The following ANKRD16 variants were observed in gnomAD, a reference collection of about 807,000 sequenced individuals.
The protein encoded by ANKRD16 is ankyrin repeat domain 16.
A neutral mutation model predicts 37.9 loss-of-function variants in ANKRD16; 35 were observed. The ratio of observed to expected loss-of-function variants is 0.92; its 90% CI spans 0.71 to 1.23. ANKRD16 has a LOEUF of 1.23. Ranked by LOEUF, ANKRD16 falls within the 50% of genes most tolerant of loss-of-function variation. ANKRD16 has a pLI of 0.00. For missense variants in ANKRD16, 480 were observed against 469.9 expected, an observed-to-expected ratio of 1.02 and a Z score of -0.20; for synonymous variants, 206 against 197.2, an observed-to-expected ratio of 1.04 and a Z score of -0.37.
rs1271630595 is a variant in ANKRD16 at position 5,868,656 on chromosome 10, C to G, written c.*34-5965G>C. On this transcript the variant is annotated intron_variant, in intron 7 of 7. Coordinates refer to ENST00000380094, the MANE Select transcript of ANKRD16 (RefSeq NM_019046.3). The surrounding 1 kb of genome is among the most constrained non-coding windows in gnomAD (Gnocchi z 4.9). The stretch of plus-strand genomic sequence containing the variant: ...CCCCAGCCAGCAGCGGCAACCCACT[C>G]GGGTCCCCTTCCACGCTGTGGAAGC... 2.0e-5 allele frequency among the ~76,000 whole-genome samples: 3 copies of G among 152,160 alleles called. No individual in the cohort carries two copies. Among genetic ancestry groups the G allele is most frequent in the African/African-American group, 7.2e-5 (3 of 41,450 alleles).
Position 5,889,127 on chromosome 10 carries a change from G to C in ANKRD16, c.228C>G (p.His76Gln), listed in dbSNP as rs768955233. 35 of 1,597,680 alleles carry C rather than the reference G, an allele frequency of 2.2e-5. 1 individual carries two copies. In the South Asian group the frequency reaches 3.6e-4, roughly 17 times the overall value. Residue 76 changes from histidine to glutamine, a missense_variant, in exon 1 of 8, where the codon CAC (histidine) becomes CAG (glutamine). Coordinates refer to ENST00000380094, the MANE Select transcript of ANKRD16 (RefSeq NM_019046.3). Reference protein sequence around the residue: ...ATNRDYKRPLHEAASMGHRDC... With the variant: ...ATNRDYKRPLQEAASMGHRDC... Reference sequence around the variant, plus strand: ...CTCGGTGGCCCATGGAGGCCGCCTCGTGCAGAGGCCGCTTGTAGTCTCGGT... The same window carrying C: ...CTCGGTGGCCCATGGAGGCCGCCTCCTGCAGAGGCCGCTTGTAGTCTCGGT...
At chr10:5,873,854 G>A (rs1842143249) in intron 7 of ANKRD16, among the ~76,000 whole-genome samples, 1 of 150,756 alleles carries the variant, frequency 6.6e-6, no homozygotes, top group Non-Finnish European at 1.5e-5. Flanking sequence ...CTATTTTCAG[G>A]TCATTACAAT....
chr10:5,870,921 C>T lies in ANKRD16; in HGVS notation c.*33+7176G>A, dbSNP rs572713872. On this transcript the variant is annotated intron_variant, in intron 7 of 7. Coordinates refer to ENST00000380094, the MANE Select transcript of ANKRD16 (RefSeq NM_019046.3). This position sits in a 1 kb window ranked among gnomAD's most constrained non-coding sequence, Gnocchi z 5.0. The stretch of plus-strand genomic sequence containing the variant: ...TCCACTCCCCGTGCTTTCCCAGGAG[C>T]GCCCAGGCCTGTCCTCAGTATCAAG... Among the ~76,000 whole-genome samples, 2 of 152,302 alleles carry T rather than the reference C, an allele frequency of 1.3e-5. No individual in the cohort carries two copies. The highest frequency in any genetic ancestry group is 2.1e-4 in the South Asian group (1 of 4,826).
intron 7 of ANKRD16, among the ~76,000 whole-genome samples, chr10:5,867,937 C>A (rs2099851952): frequency 6.6e-6 from 1 of 152,232 alleles, no homozygotes; most frequent in African/African-American, 2.4e-5. Flanking sequence ...TTTGCACCTT[C>A]TTAGGGGAAG....
chr10:5,881,441 T>TAAAAAAA (rs1459236408), intron 5 of ANKRD16, among the ~76,000 whole-genome samples: 1 of 21,294 alleles, frequency 4.7e-5, no homozygotes, highest in African/African-American at 1.7e-4. Flanking sequence ...ATATTATTTA[T>TAAAAAAA]ATATATATAT....
rs183574787 is a variant in ANKRD16, at chr10:5,875,684, T to C, written c.*33+2413A>G. On this transcript the variant is annotated intron_variant, in intron 7 of 7. Coordinates refer to ENST00000380094, the MANE Select transcript of ANKRD16 (RefSeq NM_019046.3). ...GAAACATCTGGTTATTATTCTATTA[T>C]TGCTACTCTCTTTGCTGCAATTAAT... Among the ~76,000 whole-genome samples the C allele has an allele frequency of 4.0e-3, 606 of 151,706 alleles. 1 individual carries two copies. Among genetic ancestry groups the C allele is most frequent in the African/African-American group, 0.014 (576 of 41,338 alleles).
Position 5,869,502 on chromosome 10 carries a change from A to T in ANKRD16, c.*34-6811T>A, listed in dbSNP as rs1388694150. ...CTATTTCACCCTTCCCTAACTCGTC[A>T]GACCTCCCATACCACATCCTCACTC... On this transcript the variant is annotated intron_variant, in intron 7 of 7. Coordinates refer to ENST00000380094, the MANE Select transcript of ANKRD16 (RefSeq NM_019046.3). The surrounding 1 kb of genome is among the most constrained non-coding windows in gnomAD (Gnocchi z 4.0). Among the ~76,000 whole-genome samples, 1 of 151,930 alleles carries T rather than the reference A, an allele frequency of 6.6e-6. No homozygotes were observed. The highest frequency in any genetic ancestry group is 2.4e-5 in the African/African-American group (1 of 41,360).
chr10:5,888,969 GAGA>G, intron 1 of ANKRD16, 69 bp downstream of exon 1: 1 of 1,414,108 alleles, frequency 7.1e-7, no homozygotes, highest in East Asian at 2.6e-5. Flanking sequence ...CAAGGGGACG[GAGA>G]AGCACAGGGA....
intron 5 of ANKRD16, chr10:5,881,076 G>A (rs1487735296): frequency 2.7e-6 from 2 of 753,948 alleles, no homozygotes; most frequent in African/African-American, 3.8e-5. Flanking sequence ...TGGGATTACA[G>A]GTGTGAGCCA....
intron 5 of ANKRD16, among the ~76,000 whole-genome samples, chr10:5,880,829 G>C (rs762144836): frequency 6.6e-6 from 1 of 152,060 alleles, no homozygotes; most frequent in Non-Finnish European, 1.5e-5. Context: ...TTTTTCTTTT[G>C]GCAGAGTGAG....
In ANKRD16 at chr10:5,889,557, GC is replaced by G. The variant is rs560672441; in HGVS notation, c.-204del. ...CTCAAACCCCCGGCCTAGTCCGCAG[GC>G]GGGCTGCCCCCTCACAGCCCCGGCC... On this transcript the variant is annotated 5_prime_UTR_variant, in exon 1 of 8. Coordinates refer to ENST00000380094, the MANE Select transcript of ANKRD16 (RefSeq NM_019046.3). 184 of 279,702 alleles carry G rather than the reference GC, an allele frequency of 6.6e-4. No homozygotes were observed. The East Asian group carries it at 0.013, about 20-fold the overall frequency. The allele number at this position is 279,702 out of a possible 1,614,324, so 17.3% of individuals were successfully genotyped here. A position where few individuals can be genotyped will look rare whatever the true frequency, so the allele number is the denominator to read the frequency against.
intron 5 of ANKRD16, chr10:5,881,134 C>T: frequency 1.1e-6 from 1 of 901,332 alleles, no homozygotes; most frequent in Non-Finnish European, 1.3e-6. Context: ...TTGTATCATT[C>T]TCAATTCTAA....
rs777261944 is a variant in ANKRD16, at chr10:5,871,311, C to T, written c.*33+6786G>A. On this transcript the variant is annotated intron_variant, in intron 7 of 7. Coordinates refer to ENST00000380094, the MANE Select transcript of ANKRD16 (RefSeq NM_019046.3). This position sits in a 1 kb window ranked among gnomAD's most constrained non-coding sequence, Gnocchi z 4.5. ...CTGAGGCAGGAGAATCGCTTGAACC[C>T]GGGAGGCAGAGGTTGCTGTGAGCCG... Among the ~76,000 whole-genome samples the T allele has an allele frequency of 1.4e-4, 21 of 152,020 alleles. No homozygotes were observed. The highest frequency in any genetic ancestry group is 5.8e-4 in the East Asian group (3 of 5,190).
intron 6 of ANKRD16, among the ~76,000 whole-genome samples, chr10:5,879,571 G>A (rs552735618): frequency 6.6e-6 from 1 of 151,922 alleles, no homozygotes; most frequent in Non-Finnish European, 1.5e-5. Flanking sequence ...TTTGCTCTCA[G>A]CAGATGTTTC....
chr10:5,873,045 T>TC (rs1221265410), intron 7 of ANKRD16, among the ~76,000 whole-genome samples: 3 of 146,926 alleles, frequency 2.0e-5, no homozygotes, highest in East Asian at 2.0e-4. Flanking sequence ...TTTTTTTTTT[T>TC]CTGAGACAGA....
intron 7 of ANKRD16, among the ~76,000 whole-genome samples, chr10:5,877,407 C>T (rs1842201507): frequency 6.6e-6 from 1 of 152,212 alleles, no homozygotes; most frequent in Non-Finnish European, 1.5e-5. Context: ...GCCACCATGC[C>T]CGGTCCTTAG....
At chr10:5,887,086 G>A (rs545013694) in intron 2 of ANKRD16, among the ~76,000 whole-genome samples, 4 of 152,190 alleles carry the variant, frequency 2.6e-5, no homozygotes, top group Non-Finnish European at 5.9e-5. Context: ...TGTGCTATGT[G>A]CCAAGCATTG....
intron 7 of ANKRD16, among the ~76,000 whole-genome samples, chr10:5,867,033 T>C (rs1258314112): frequency 6.6e-6 from 1 of 152,132 alleles, no homozygotes; most frequent in Non-Finnish European, 1.5e-5. Flanking sequence ...GAAAAAACAG[T>C]GTACCCTATT....
intron 7 of ANKRD16, among the ~76,000 whole-genome samples, chr10:5,872,782 T>C (rs1842120981): frequency 6.6e-6 from 1 of 151,866 alleles, no homozygotes. Context: ...GGTCTTAATT[T>C]CCTGACCTCG....
Sources: allele counts gnomAD v4.1 joint callset (sites outside exome capture counted in the v4.1 genomes callset), GRCh38; gene constraint gnomAD v4.1.1; non-coding constraint Gnocchi (gnomAD v3.1); transcripts MANE v1.5; gene names NCBI Gene and HGNC (gene_info 2026-07-23, HGNC 2026-07-21).